The following HERC3 variants were observed in gnomAD, a reference collection of about 807,000 sequenced individuals.
HERC3 encodes the protein HECT and RLD domain containing E3 ubiquitin protein ligase 3, also known as probable E3 ubiquitin-protein ligase HERC3.
Under a neutral mutation model 129.9 loss-of-function variants are expected in HERC3, and 58 were observed. That is an observed-to-expected ratio of 0.45 (90% CI 0.36 to 0.56). The LOEUF is 0.56. Among genes scored for constraint, HERC3 ranks in the 20% least tolerant of loss-of-function variants. The pLI is 0.00. For synonymous variants in HERC3, 430 were observed against 451.0 expected, an observed-to-expected ratio of 0.95 and a Z score of 0.59; for missense variants, 835 against 1,244.2, an observed-to-expected ratio of 0.67 and a Z score of 4.95.
At chr4:88,650,510 C>G (rs1046031848) in intron 4 of HERC3, among the ~76,000 whole-genome samples, 3 of 152,128 alleles carry the variant, frequency 2.0e-5, no homozygotes, top group Admixed American at 6.5e-5. Context: ...AAATCTAAAC[C>G]TTAGATGATT....
the HERC3 span, among the ~76,000 whole-genome samples, chr4:88,535,526 G>C: frequency 0.26 from 40,132 of 152,028 alleles, 5,760 homozygotes; most frequent in East Asian, 0.51. Flanking sequence ...AACTCTCCTT[G>C]TTCTGTATTG....
intron 3 of HERC3, among the ~76,000 whole-genome samples, chr4:88,608,312 G>T (rs1723898105): frequency 1.3e-5 from 2 of 152,192 alleles, no homozygotes; most frequent in Non-Finnish European, 2.9e-5. Flanking sequence ...GAAGCCCGCT[G>T]TGAGAAATGC....
chr4:88,594,170 A>G (rs946976505), intron 1 of HERC3, among the ~76,000 whole-genome samples: 5 of 152,224 alleles, frequency 3.3e-5, no homozygotes, highest in African/African-American at 9.6e-5. Context: ...CAGGGATTTC[A>G]GAATGTTCCA....
intron 3 of HERC3, among the ~76,000 whole-genome samples, chr4:88,648,683 C>A (rs1045290620): frequency 2.0e-5 from 3 of 152,094 alleles, no homozygotes; most frequent in African/African-American, 7.2e-5. Context: ...GGTCATTATT[C>A]TGGGCACTTA....
At chr4:88,705,510 C>T (rs1256264802) in intron 25 of HERC3, among the ~76,000 whole-genome samples, 1 of 152,212 alleles carries the variant, frequency 6.6e-6, no homozygotes, top group African/African-American at 2.4e-5. Flanking sequence ...GTCTTTCTGT[C>T]TCTATGGATT....
intron 3 of HERC3, among the ~76,000 whole-genome samples, chr4:88,620,439 G>A (rs1439717376): frequency 6.6e-6 from 1 of 152,044 alleles, no homozygotes; most frequent in Non-Finnish European, 1.5e-5. Flanking sequence ...AAAAACCTTG[G>A]AGTCATCCCT....
chr4:88,525,546 T>A, the HERC3 span, among the ~76,000 whole-genome samples: 1 of 152,236 alleles, frequency 6.6e-6, no homozygotes, highest in Non-Finnish European at 1.5e-5. Context: ...CTGGGTTTTC[T>A]AACCAGTTAT....
At chr4:88,613,451 A>C (rs1019407850) in intron 3 of HERC3, among the ~76,000 whole-genome samples, 14 of 152,380 alleles carry the variant, frequency 9.2e-5, no homozygotes, top group East Asian at 1.9e-4. Context: ...GCTGTTTGAT[A>C]AATGAGGTTT....
At chr4:88,640,498 C>T (rs901719731) in intron 3 of HERC3, among the ~76,000 whole-genome samples, 1 of 152,222 alleles carries the variant, frequency 6.6e-6, no homozygotes, top group Non-Finnish European at 1.5e-5. Flanking sequence ...ACCACATGTT[C>T]TCACTCATAA....
chr4:88,582,573 C>T, the HERC3 span, among the ~76,000 whole-genome samples: 5 of 152,162 alleles, frequency 3.3e-5, no homozygotes, highest in African/African-American at 1.2e-4. Flanking sequence ...CTGTCTTAAA[C>T]TCCCTCCCTA....
the HERC3 span, among the ~76,000 whole-genome samples, chr4:88,579,227 A>T: frequency 1.0e-5 from 1 of 96,290 alleles, no homozygotes; most frequent in African/African-American, 1.2e-4. Context: ...ACTAAAAAAA[A>T]AAAAAATATA....
the HERC3 span, among the ~76,000 whole-genome samples, chr4:88,582,380 T>C: frequency 6.6e-6 from 1 of 152,256 alleles, no homozygotes; most frequent in African/African-American, 2.4e-5. Flanking sequence ...CAAAATATGG[T>C]GCTTTGGCAT....
At chr4:88,542,373 C>G in the HERC3 span, among the ~76,000 whole-genome samples, 101 of 152,154 alleles carry the variant, frequency 6.6e-4, no homozygotes, top group African/African-American at 2.4e-3. Flanking sequence ...ACACATACAC[C>G]CTCCCAAGAC....
intron 2 of HERC3, 67 bp from the exon 3 acceptor site, chr4:88,605,728 C>T (rs1723553117): frequency 4.5e-6 from 4 of 879,720 alleles, no homozygotes; most frequent in Admixed American, 2.6e-5. Flanking sequence ...TGGTTACATT[C>T]ATTACTTGAT....
chr4:88,556,457 A>G, the HERC3 span, among the ~76,000 whole-genome samples: 1 of 152,212 alleles, frequency 6.6e-6, no homozygotes, highest in African/African-American at 2.4e-5. Flanking sequence ...TTAAAGAAAA[A>G]AAGCAATTTA....
intron 25 of HERC3, among the ~76,000 whole-genome samples, 163 bp from the exon 26 acceptor site, chr4:88,706,589 G>A (rs1360147240): frequency 6.6e-6 from 1 of 151,322 alleles, no homozygotes; most frequent in South Asian, 2.1e-4. Flanking sequence ...TTTCTTAACG[G>A]CATCTAATTT....
intron 3 of HERC3, among the ~76,000 whole-genome samples, chr4:88,637,756 A>G (rs1443468510): frequency 3.3e-5 from 5 of 152,204 alleles, no homozygotes; most frequent in Non-Finnish European, 7.3e-5. Context: ...TCAGAGCGGA[A>G]CTGAAGGAGA....
chr4:88,578,904 A>G, the HERC3 span, among the ~76,000 whole-genome samples: 1 of 152,192 alleles, frequency 6.6e-6, no homozygotes, highest in Non-Finnish European at 1.5e-5. Context: ...TCACCCCTAC[A>G]AAAAATGCTG....
chr4:88,692,307 C>T (rs1270361286), intron 23 of HERC3, among the ~76,000 whole-genome samples: 1 of 145,956 alleles, frequency 6.9e-6, no homozygotes, highest in Non-Finnish European at 1.5e-5. Context: ...GCTGTCTTCC[C>T]ATTTTCCCCA....
Sources: gnomAD v4.1 joint callset for allele counts (sites outside exome capture counted in the v4.1 genomes callset) on GRCh38, gnomAD v4.1.1 for gene constraint, MANE v1.5 for transcripts, NCBI Gene and HGNC (gene_info 2026-07-23, HGNC 2026-07-21) for gene names.